Variants in FBXO38 observed in about 807,000 individuals in gnomAD.
FBXO38 encodes the protein F-box only protein 38.
In FBXO38, 53 loss-of-function variants were observed where a neutral mutation model predicts 131.9. The observed-to-expected ratio is 0.40, with a 90% CI of 0.32 to 0.51. The LOEUF is 0.51. Ranked by LOEUF, FBXO38 falls within the 20% of genes least tolerant of loss-of-function variation. FBXO38 has a pLI of 0.53. For missense variants in FBXO38, 1,076 were observed against 1,475.6 expected, an observed-to-expected ratio of 0.73 and a Z score of 4.44; for synonymous variants, 452 against 505.6, an observed-to-expected ratio of 0.89 and a Z score of 1.42.
At chr5:148,385,129 C>T (rs958328562) in intron 1 of FBXO38, 1 of 152,094 alleles carries the variant, frequency 6.6e-6, no homozygotes, top group Admixed American at 6.5e-5. Context: ...TAGGCATAGA[C>T]TGAAAAAAAT....
chr5:148,391,938 A>T (rs1450832527), intron 1 of FBXO38, among the ~76,000 whole-genome samples: 1 of 152,182 alleles, frequency 6.6e-6, no homozygotes, highest in Non-Finnish European at 1.5e-5. Context: ...TTTTAAAAAA[A>T]GTTTTAGGGG....
At chr5:148,419,389 G>A (rs573789267) in intron 12 of FBXO38, among the ~76,000 whole-genome samples, 5 of 151,396 alleles carry the variant, frequency 3.3e-5, no homozygotes, top group Middle Eastern at 3.2e-3. Context: ...TTTTTTTCCC[G>A]CAAACTAAGG....
chr5:148,417,366 CTTTTCTT>C (rs1225838406), intron 12 of FBXO38, among the ~76,000 whole-genome samples, 162 bp downstream of exon 12: 42 of 152,242 alleles, frequency 2.8e-4, no homozygotes, highest in Admixed American at 8.5e-4. Flanking sequence ...AAATTTTTCT[CTTTTCTT>C]GCTTGTTTCA....
Position 148,385,399 on chromosome 5 carries a change from G to C in FBXO38, c.-64+1360G>C, listed in dbSNP as rs144835572. ...CAGTAAGATAGGGTGATATAGTGAA[G>C]TAAAATTGGTGGTATACTAAAATGA... On this transcript the variant is annotated intron_variant, in intron 1 of 21. Coordinates refer to ENST00000340253, the MANE Select transcript of FBXO38 (RefSeq NM_205836.3). Among the ~76,000 whole-genome samples, 531 of 152,272 alleles carry C rather than the reference G, an allele frequency of 3.5e-3. 3 individuals are homozygous for C. The highest frequency in any genetic ancestry group is 6.1e-3 in the Non-Finnish European group (412 of 68,026).
chr5:148,441,415 C>G, intron 21 of FBXO38, 178 bp downstream of exon 21: 1 of 551,498 alleles, frequency 1.8e-6, no homozygotes, highest in South Asian at 2.4e-5. Flanking sequence ...GTTCAGTGGA[C>G]TTACTAGGGA....
chr5:148,399,152 G>A lies in FBXO38; in HGVS notation c.262+20G>A. The A allele has an allele frequency of 6.2e-7, 1 of 1,612,482 alleles. No homozygotes were observed. On this transcript the variant is annotated intron_variant, in intron 3 of 21. Transcript: ENST00000340253. ...CAAGTGGTAAGTGGATTTAGTCTGT[G>A]AAGTACAGTAGTGTCCTACTGGAAA...
At chr5:148,402,555 G>A in intron 5 of FBXO38, 42 bp downstream of exon 5, 1 of 1,424,092 alleles carries the variant, frequency 7.0e-7, no homozygotes. Context: ...TCCTTGAAAT[G>A]CCATAAAATG....
At chr5:148,415,790 G>T in intron 10 of FBXO38, 138 bp from the exon 11 acceptor site, 1 of 790,462 alleles carries the variant, frequency 1.3e-6, no homozygotes, top group Non-Finnish European at 2.0e-6. Flanking sequence ...AGAATCATCG[G>T]GTTTTAGAAG....
chr5:148,400,903 G>T (rs1229805079), intron 3 of FBXO38, among the ~76,000 whole-genome samples: 1 of 151,998 alleles, frequency 6.6e-6, no homozygotes, highest in African/African-American at 2.4e-5. Flanking sequence ...GAAAAAAAAT[G>T]ATTAACACAT....
chr5:148,436,398 A>G (rs909637620), intron 17 of FBXO38, among the ~76,000 whole-genome samples: 5 of 152,180 alleles, frequency 3.3e-5, no homozygotes, highest in Non-Finnish European at 5.9e-5. Context: ...AAAATTCAAA[A>G]CTTTCTGAGC....
At position 148,431,113 on chromosome 5, in the gene FBXO38, G is replaced by A. The variant is rs560220935; in HGVS notation, c.2654-2311G>A. On this transcript the variant is annotated intron_variant, in intron 15 of 21. Transcript: ENST00000340253. ...AAGGACAGTCTCTGCTTTTTCACCA[G>A]TATATTTCTATCCTTTAGCACCATG... 1.3e-3 allele frequency among the ~76,000 whole-genome samples: 203 copies of A among 152,238 alleles called. 5 individuals carry two copies. The highest frequency in any genetic ancestry group is 7.2e-4 in the Admixed American group (11 of 15,294).
chr5:148,396,756 C>G (rs974362058), intron 2 of FBXO38, among the ~76,000 whole-genome samples: 1 of 152,124 alleles, frequency 6.6e-6, no homozygotes, highest in Non-Finnish European at 1.5e-5. Flanking sequence ...GGGGCGCACA[C>G]CACTGCGCTT....
intron 11 of FBXO38, 46 bp downstream of exon 11, chr5:148,416,116 AAAT>A: frequency 1.2e-5 from 18 of 1,485,350 alleles, no homozygotes; most frequent in Non-Finnish European, 1.6e-5. Context: ...ATAGGAAAGA[AAAT>A]AAAAACAGCC....
chr5:148,437,115 C>A (rs1293936529), intron 17 of FBXO38, among the ~76,000 whole-genome samples: 1 of 152,228 alleles, frequency 6.6e-6, no homozygotes, highest in Non-Finnish European at 1.5e-5. Context: ...TTGATGATTT[C>A]TCCTGTACCT....
In FBXO38 at chr5:148,441,213, T is replaced by C; in HGVS notation, c.3364T>C (p.Tyr1122His). The change falls in exon 21 of 22, where the codon TAC becomes CAC. Residue 1122 changes from tyrosine to histidine, a missense_variant. Transcript: ENST00000340253. Reference sequence around the variant, plus strand: ...TGCAGAGCCCAACAGCTTCGCTCGATACGACTTTGAAGACGATGAAGAAAG... The same window carrying C: ...TGCAGAGCCCAACAGCTTCGCTCGACACGACTTTGAAGACGATGAAGAAAG... ...RAAEPNSFAR[Y>H]DFEDDEESTI... The C allele has an allele frequency of 6.2e-7, 1 of 1,613,496 alleles. No individual in the cohort carries two copies. Among genetic ancestry groups the C allele is most frequent in the Non-Finnish European group, 8.5e-7 (1 of 1,179,774 alleles).
intron 14 of FBXO38, 51 bp from the exon 15 acceptor site, chr5:148,427,162 A>T: frequency 6.5e-7 from 1 of 1,531,020 alleles, no homozygotes; most frequent in Non-Finnish European, 8.7e-7. Flanking sequence ...TCCAGAATTT[A>T]TACTGAAATC....
chr5:148,412,166 C>T (rs890151632), intron 9 of FBXO38, among the ~76,000 whole-genome samples: 39 of 152,238 alleles, frequency 2.6e-4, no homozygotes, highest in Non-Finnish European at 4.1e-4. Context: ...CTGTTTCATA[C>T]TTAATAGTCT....
intron 3 of FBXO38, among the ~76,000 whole-genome samples, chr5:148,399,712 T>C (rs1233683534): frequency 6.6e-6 from 1 of 152,106 alleles, no homozygotes; most frequent in African/African-American, 2.4e-5. Context: ...GAAAAGAAAG[T>C]TAATGGCTTT....
intron 1 of FBXO38, among the ~76,000 whole-genome samples, chr5:148,391,685 C>T (rs1758202798): frequency 6.6e-6 from 1 of 152,126 alleles, no homozygotes; most frequent in African/African-American, 2.4e-5. Context: ...ATATTTTATC[C>T]TCTGAACCAG....
Sources: allele counts gnomAD v4.1 joint callset (sites outside exome capture counted in the v4.1 genomes callset), GRCh38; gene constraint gnomAD v4.1.1; transcripts MANE v1.5; gene names NCBI Gene and HGNC (gene_info 2026-07-23, HGNC 2026-07-21).